TYW1B: variants seen among roughly 807,000 people sequenced by gnomAD.
TYW1B encodes the protein S-adenosyl-L-methionine-dependent tRNA 4-demethylwyosine synthase TYW1B.
In TYW1B, 73 loss-of-function variants were observed where a neutral mutation model predicts 86.9. That is an observed-to-expected ratio of 0.84 (90% CI 0.70 to 1.02). The LOEUF is 1.02. Ranked by LOEUF, TYW1B falls within the 50% of genes least tolerant of loss-of-function variation. TYW1B has a pLI of 0.00. For synonymous variants in TYW1B, 248 were observed against 292.8 expected, an observed-to-expected ratio of 0.85 and a Z score of 1.56; for missense variants, 637 against 827.4, an observed-to-expected ratio of 0.77 and a Z score of 2.82.
At chr7:72,593,101 A>G in intron 13 of TYW1B, among the ~76,000 whole-genome samples, 1 of 150,622 alleles carries the variant, frequency 6.6e-6, no homozygotes, top group Non-Finnish European at 1.5e-5. Context: ...TCCCGAGTTC[A>G]AGACCAGCCT....
intron 9 of TYW1B, among the ~76,000 whole-genome samples, chr7:72,726,422 A>T (rs3015855): frequency 2.0e-5 from 3 of 150,500 alleles, no homozygotes; most frequent in Non-Finnish European, 4.4e-5. Context: ...GTCCAGTGGC[A>T]TGTGAACTCA....
intron 11 of TYW1B, among the ~76,000 whole-genome samples, chr7:72,641,742 CA>C (rs1477591562): frequency 6.6e-6 from 1 of 152,118 alleles, no homozygotes; most frequent in African/African-American, 2.4e-5. Flanking sequence ...GATAATTACA[CA>C]AGACTGTAAA....
chr7:72,783,298 T>C (rs1226563656), intron 6 of TYW1B, among the ~76,000 whole-genome samples: 5 of 146,610 alleles, frequency 3.4e-5, no homozygotes, highest in African/African-American at 1.3e-4. Context: ...TTCAGGAGGC[T>C]GAGGCAGAAG....
intron 11 of TYW1B, among the ~76,000 whole-genome samples, chr7:72,651,456 A>T (rs1418904315): frequency 6.9e-6 from 1 of 145,300 alleles, no homozygotes; most frequent in African/African-American, 2.7e-5. Flanking sequence ...CATCTCTACT[A>T]AAAGTACAAA....
chr7:72,594,330 CA>C (rs1811475968), intron 13 of TYW1B, among the ~76,000 whole-genome samples: 1 of 144,136 alleles, frequency 6.9e-6, no homozygotes, highest in Non-Finnish European at 1.5e-5. Context: ...ATTTTGCTAC[CA>C]ATTCTGCATT....
intron 13 of TYW1B, among the ~76,000 whole-genome samples, chr7:72,604,479 T>A (rs1324786187): frequency 1.3e-5 from 2 of 151,930 alleles, no homozygotes; most frequent in Admixed American, 6.6e-5. Flanking sequence ...AAAAAAATTT[T>A]TAAAAATTTT....
In TYW1B at chr7:72,574,783, T is replaced by C. The variant is rs10252696; in HGVS notation, c.*715A>G. ...GTCCAAAGTGTGTTTGTGAGACTAA[T>C]GACTCCATGCCCTCACATGGCCACT... On this transcript the variant is annotated 3_prime_UTR_variant, in exon 14 of 14. Transcript: ENST00000620995. 1.0e-6 allele frequency: 1 copy of C among 985,302 alleles called. No homozygotes were observed. Among genetic ancestry groups the C allele is most frequent in the Admixed American group, 6.2e-5 (1 of 16,250 alleles). 61.0% of individuals were successfully genotyped at this position (985,302 alleles called of 1,614,324 possible). A position where few individuals can be genotyped will look rare whatever the true frequency, so the allele number is the denominator to read the frequency against.
At chr7:72,797,739 C>T (rs553235293) in intron 6 of TYW1B, among the ~76,000 whole-genome samples, 1 of 152,058 alleles carries the variant, frequency 6.6e-6, no homozygotes, top group Non-Finnish European at 1.5e-5. Context: ...AAACAAAAAA[C>T]AAACCTGCAA....
chr7:72,820,004 G>A (rs1554480148), intron 2 of TYW1B, among the ~76,000 whole-genome samples: 1 of 152,076 alleles, frequency 6.6e-6, no homozygotes, highest in Non-Finnish European at 1.5e-5. Context: ...GCAGGGCATG[G>A]TGGCTCACAT....
chr7:72,625,879 AG>A (rs72578120), intron 12 of TYW1B, among the ~76,000 whole-genome samples: 7 of 72,560 alleles, frequency 9.6e-5, no homozygotes, highest in African/African-American at 4.0e-4. Context: ...GTAAGAAAGG[AG>A]GGGGGAGAGG....
intron 10 of TYW1B, among the ~76,000 whole-genome samples, chr7:72,707,992 GC>G (rs1416768480): frequency 5.3e-5 from 8 of 152,052 alleles, no homozygotes; most frequent in African/African-American, 1.7e-4. Flanking sequence ...TTTCCCCTTT[GC>G]CTTCCGCCAT....
chr7:72,674,453 T>C (rs1222917248), intron 11 of TYW1B, among the ~76,000 whole-genome samples: 21 of 152,090 alleles, frequency 1.4e-4, no homozygotes, highest in Non-Finnish European at 2.9e-5. Flanking sequence ...GGTGTCTTCA[T>C]GGATTCCTCC....
chr7:72,826,587 C>T (rs1554481456), intron 2 of TYW1B, among the ~76,000 whole-genome samples: 1 of 152,082 alleles, frequency 6.6e-6, no homozygotes, highest in Non-Finnish European at 1.5e-5. Flanking sequence ...AGGTATAAAA[C>T]AAATTTGTTT....
intron 11 of TYW1B, among the ~76,000 whole-genome samples, chr7:72,690,134 G>T (rs1814108781): frequency 6.6e-6 from 1 of 152,320 alleles, no homozygotes; most frequent in Non-Finnish European, 1.5e-5. Context: ...TTTCAAGAAT[G>T]TTAATGCTAT....
intron 7 of TYW1B, among the ~76,000 whole-genome samples, chr7:72,762,931 A>G (rs886821963): frequency 5.3e-5 from 8 of 152,254 alleles, no homozygotes; most frequent in African/African-American, 1.4e-4. Flanking sequence ...AAGTGCTGCG[A>G]TTACAGGCGT....
intron 11 of TYW1B, among the ~76,000 whole-genome samples, chr7:72,680,475 G>GT (rs1187828632): frequency 6.6e-6 from 1 of 152,216 alleles, no homozygotes; most frequent in Non-Finnish European, 1.5e-5. Context: ...ACTTACACCA[G>GT]TGGTTTGCCA....
At position 72,596,350 on chromosome 7, in the gene TYW1B, G is replaced by A. The variant is rs528028100; in HGVS notation, c.1785+20322C>T. Among the ~76,000 whole-genome samples, 289 of 152,012 alleles carry A rather than the reference G, an allele frequency of 1.9e-3. 1 individual carries two copies. Among genetic ancestry groups the A allele is most frequent in the Non-Finnish European group, 3.4e-3 (230 of 67,974 alleles). On this transcript the variant is annotated intron_variant, in intron 13 of 13. Coordinates refer to ENST00000620995, the MANE Select transcript of TYW1B (RefSeq NM_001145440.3). ...TAATAGCCAAAACAATCTTGAGAAAGAACACAAAACTGGAGGACTCACACT... is the reference window on the plus strand; with the variant it reads ...TAATAGCCAAAACAATCTTGAGAAAAAACACAAAACTGGAGGACTCACACT...
chr7:72,622,847 C>T (rs1194323020), intron 12 of TYW1B, among the ~76,000 whole-genome samples: 1 of 152,060 alleles, frequency 6.6e-6, no homozygotes, highest in Non-Finnish European at 1.5e-5. Context: ...CACACAAACA[C>T]ACCACGCACT....
rs148689754 is a variant in TYW1B, at chr7:72,688,274, G to T, written c.1506+6413C>A. Among the ~76,000 whole-genome samples, 626 of 152,212 alleles carry T rather than the reference G, an allele frequency of 4.1e-3. 7 individuals carry two copies. The highest frequency in any genetic ancestry group is 0.015 in the African/African-American group (603 of 41,530). ...ATTCTTTAAGCTGATGAAAGGAAAT[G>T]CCTTTGACTTCTTTATTATTGATAC... On this transcript the variant is annotated intron_variant, in intron 11 of 13. Coordinates refer to ENST00000620995, the MANE Select transcript of TYW1B (RefSeq NM_001145440.3).
Sources: gnomAD v4.1 joint callset for allele counts (sites outside exome capture counted in the v4.1 genomes callset) on GRCh38, gnomAD v4.1.1 for gene constraint, MANE v1.5 for transcripts, NCBI Gene and HGNC (gene_info 2026-07-23, HGNC 2026-07-21) for gene names.